ORC5: variants seen among roughly 807,000 people sequenced by gnomAD.
ORC5 encodes the protein protein phosphatase 1, regulatory subunit 117.
Under a neutral mutation model 58.8 loss-of-function variants are expected in ORC5, and 39 were observed. That is an observed-to-expected ratio of 0.66 (90% CI 0.51 to 0.87). The LOEUF is 0.87. ORC5 is among the 40% of genes least tolerant of loss of function. The probability of loss-of-function intolerance (pLI) is 0.00; values close to 1 mark genes in which losing one functional copy is unlikely to be tolerated. For missense variants in ORC5, 493 were observed against 506.3 expected, an observed-to-expected ratio of 0.97 and a Z score of 0.25; for synonymous variants, 218 against 177.6, an observed-to-expected ratio of 1.23 and a Z score of -1.81.
At chr7:104,176,944 T>C (rs1412671899) in intron 8 of ORC5, among the ~76,000 whole-genome samples, 1 of 152,202 alleles carries the variant, frequency 6.6e-6, no homozygotes, top group African/African-American at 2.4e-5. Context: ...CAGAACAATC[T>C]TTGTTTGTGT....
At chr7:104,188,048 G>A (rs1799586489) in intron 6 of ORC5, 14 of 1,047,584 alleles carry the variant, frequency 1.3e-5, no homozygotes, top group Non-Finnish European at 1.7e-5. Flanking sequence ...ATCAAAGTTT[G>A]TACTAACCCA....
chr7:104,128,378 C>T (rs1345903704), intron 13 of ORC5, among the ~76,000 whole-genome samples: 16 of 152,174 alleles, frequency 1.1e-4, no homozygotes, highest in South Asian at 2.1e-4. Flanking sequence ...CCGCCTTGGC[C>T]TCCCAAAGTG....
intron 5 of ORC5, 143 bp downstream of exon 5, chr7:104,195,000 T>C (rs190214939): frequency 3.8e-6 from 2 of 531,782 alleles, no homozygotes; most frequent in Non-Finnish European, 6.5e-6. Context: ...AAATTCCCAT[T>C]TGAATATCAA....
At chr7:104,197,645 C>T (rs1419709695) in intron 4 of ORC5, 80 bp downstream of exon 4, 3 of 852,254 alleles carry the variant, frequency 3.5e-6, no homozygotes, top group South Asian at 3.5e-5. Context: ...TCTCACCTAT[C>T]AAATAGCAAA....
At chr7:104,172,921 A>T (rs1171571446) in intron 8 of ORC5, among the ~76,000 whole-genome samples, 1 of 151,898 alleles carries the variant, frequency 6.6e-6, no homozygotes, top group African/African-American at 2.4e-5. Context: ...TCATTATATC[A>T]TTCAAATATC....
rs187921791 is a variant in ORC5 at position 104,201,789 on chromosome 7, C to T, written c.166-831G>A. 4.6e-5 allele frequency among the ~76,000 whole-genome samples: 7 copies of T among 151,890 alleles called. No homozygotes were observed. In the East Asian group the frequency reaches 1.2e-3, roughly 25 times the overall value. On this transcript the variant is annotated intron_variant, in intron 2 of 13. Transcript: ENST00000297431. ...GTTAGAAACCATAGCAATCCTCCTA[C>T]GAGGACTGTAAGCACTAGCTCTTTG...
intron 1 of ORC5, among the ~76,000 whole-genome samples, 179 bp downstream of exon 1, chr7:104,207,654 C>G (rs971813): frequency 0.41 from 62,230 of 151,680 alleles, 15,617 homozygotes; most frequent in African/African-American, 0.68. Context: ...ACTGTCTCCT[C>G]TTCAATATTC....
rs1269076594 is a variant in ORC5, at chr7:104,206,965, C to T, written c.72+868G>A. Reference sequence around the variant, plus strand: ...TTGTGTAAATACACTTTCTGATATTCACAGGGATTAAATTGCCTAACGATG... The same window carrying T: ...TTGTGTAAATACACTTTCTGATATTTACAGGGATTAAATTGCCTAACGATG... On this transcript the variant is annotated intron_variant, in intron 1 of 13. Coordinates refer to ENST00000297431, the MANE Select transcript of ORC5 (RefSeq NM_002553.4). Among the ~76,000 whole-genome samples the T allele has an allele frequency of 3.3e-5, 5 of 152,144 alleles. No individual in the cohort carries two copies. The East Asian group carries it at 9.6e-4, about 29-fold the overall frequency.
intron 8 of ORC5, among the ~76,000 whole-genome samples, chr7:104,178,206 A>T (rs1198707388): frequency 1.3e-5 from 2 of 152,098 alleles, no homozygotes; most frequent in Admixed American, 6.5e-5. Flanking sequence ...AAGCATTCCT[A>T]TTTCTCCACA....
intron 1 of ORC5, among the ~76,000 whole-genome samples, chr7:104,206,477 G>C (rs1800086769): frequency 6.6e-6 from 1 of 152,202 alleles, no homozygotes; most frequent in South Asian, 2.1e-4. Flanking sequence ...TGGCTGGAGT[G>C]ATCTGCGTTC....
At chr7:104,168,867 A>T (rs1377666007) in intron 8 of ORC5, among the ~76,000 whole-genome samples, 1 of 152,190 alleles carries the variant, frequency 6.6e-6, no homozygotes, top group Non-Finnish European at 1.5e-5. Context: ...GGATCACATG[A>T]GGCCAGGAGT....
intron 3 of ORC5, among the ~76,000 whole-genome samples, chr7:104,199,348 G>A (rs1799877773): frequency 6.6e-6 from 1 of 152,360 alleles, no homozygotes; most frequent in Non-Finnish European, 1.5e-5. Flanking sequence ...CAGAGGTGGA[G>A]CTGCACAAGG....
chr7:104,188,065 T>C, intron 6 of ORC5, 186 bp downstream of exon 6: 2 of 990,210 alleles, frequency 2.0e-6, no homozygotes, highest in Non-Finnish European at 2.6e-6. Flanking sequence ...CCCACAGACA[T>C]CTACCTTCTT....
rs532427758 is a variant in ORC5 at position 104,150,414 on chromosome 7, T to A, written c.1149+10658A>T. On this transcript the variant is annotated intron_variant, in intron 12 of 13. Coordinates refer to ENST00000297431, the MANE Select transcript of ORC5 (RefSeq NM_002553.4). ...TGAATTCAGGAGACTTGACGGTTCA[T>A]GGCATATATTGAGAGTTCAACTGAC... 2.6e-5 allele frequency among the ~76,000 whole-genome samples: 4 copies of A among 152,238 alleles called. No homozygotes were observed. The South Asian group carries it at 6.2e-4, about 24-fold the overall frequency.
chr7:104,205,014 A>C (rs967758446), intron 1 of ORC5, among the ~76,000 whole-genome samples: 1 of 151,512 alleles, frequency 6.6e-6, no homozygotes, highest in Admixed American at 6.6e-5. Flanking sequence ...AAAAGACATT[A>C]TCTACTTTGG....
chr7:104,142,513 A>G (rs1236125517), intron 12 of ORC5, among the ~76,000 whole-genome samples: 1 of 152,196 alleles, frequency 6.6e-6, no homozygotes, highest in Non-Finnish European at 1.5e-5. Context: ...AAGATAATAG[A>G]AACAAAATTA....
intron 12 of ORC5, among the ~76,000 whole-genome samples, chr7:104,141,533 A>C (rs1056232472): frequency 6.6e-6 from 1 of 152,208 alleles, no homozygotes; most frequent in African/African-American, 2.4e-5. Context: ...TTCAAAACCA[A>C]AAATCATCAT....
At chr7:104,202,104 C>CAA (rs11440920) in intron 2 of ORC5, among the ~76,000 whole-genome samples, 37 of 151,530 alleles carry the variant, frequency 2.4e-4, no homozygotes, top group South Asian at 1.9e-3. Flanking sequence ...CAAAACAAAA[C>CAA]AAAAAAAACT....
intron 5 of ORC5, among the ~76,000 whole-genome samples, chr7:104,192,917 T>C (rs183901713): frequency 5.4e-4 from 78 of 145,434 alleles, no homozygotes; most frequent in Non-Finnish European, 1.0e-3. Context: ...CAAAAAACAA[T>C]CCCAAATAAA....
Sources: allele counts gnomAD v4.1 joint callset (sites outside exome capture counted in the v4.1 genomes callset), GRCh38; gene constraint gnomAD v4.1.1; transcripts MANE v1.5; gene names NCBI Gene and HGNC (gene_info 2026-07-23, HGNC 2026-07-21).